Variants in E2F6 observed in about 807,000 individuals in gnomAD.
E2F6 encodes E2F transcription factor 6, also known as transcription factor E2F6.
E2F6 carries 19 observed loss-of-function variants against 31.5 expected under a neutral mutation model. That is an observed-to-expected ratio of 0.60 (90% CI 0.42 to 0.89). The LOEUF is 0.89. E2F6 is among the 40% of genes least tolerant of loss of function. The pLI is 0.00. For synonymous variants in E2F6, 121 were observed against 127.7 expected, an observed-to-expected ratio of 0.95 and a Z score of 0.36; for missense variants, 269 against 341.6, an observed-to-expected ratio of 0.79 and a Z score of 1.67.
chr2:11,461,724 G>T (rs150750442), intron 1 of E2F6, among the ~76,000 whole-genome samples: 2,126 of 152,270 alleles, frequency 0.014, 25 homozygotes, highest in Non-Finnish European at 0.02. Context: ...AGCAATTTCA[G>T]CCCCATGGCT....
chr2:11,455,541 T>C, intron 2 of E2F6: 1 of 1,016,200 alleles, frequency 9.8e-7, no homozygotes, highest in Non-Finnish European at 1.3e-6. Context: ...AGGGTCACAA[T>C]TCTACAACAA....
At chr2:11,464,288 G>C (rs1201689037) in intron 1 of E2F6, among the ~76,000 whole-genome samples, 3 of 152,036 alleles carry the variant, frequency 2.0e-5, no homozygotes, top group African/African-American at 4.8e-5. Flanking sequence ...GCTGAGGCGG[G>C]TGGATCACGA....
intron 1 of E2F6, chr2:11,458,174 C>T (rs565056416): frequency 3.3e-6 from 4 of 1,198,614 alleles, no homozygotes; most frequent in East Asian, 2.5e-5. Flanking sequence ...TAGCTCTTAT[C>T]TAAGAAAAAA....
intron 6 of E2F6, 140 bp from the exon 7 acceptor site, chr2:11,446,663 G>A: frequency 1.5e-6 from 1 of 652,660 alleles, no homozygotes; most frequent in Non-Finnish European, 2.7e-6. Context: ...CGTATTCTCA[G>A]GTTAATGGCA....
intron 5 of E2F6, 140 bp downstream of exon 5, chr2:11,449,872 T>C: frequency 2.0e-6 from 1 of 509,016 alleles, no homozygotes; most frequent in Non-Finnish European, 3.5e-6. Flanking sequence ...GCAAGTTAAA[T>C]GTGTGAAGTG....
intron 5 of E2F6, 101 bp downstream of exon 5, chr2:11,449,911 C>T (rs1046231780): frequency 9.4e-6 from 8 of 847,116 alleles, no homozygotes; most frequent in African/African-American, 6.8e-5. Flanking sequence ...GTACAGTGCA[C>T]GTGCACACAA....
chr2:11,451,979 G>C (rs1161924188), intron 3 of E2F6, among the ~76,000 whole-genome samples, 173 bp from the exon 4 acceptor site: 1 of 152,138 alleles, frequency 6.6e-6, no homozygotes, highest in South Asian at 2.1e-4. Context: ...TATTCCTTCT[G>C]TACATAAATT....
At chr2:11,463,208 G>A (rs1671894018) in intron 1 of E2F6, among the ~76,000 whole-genome samples, 1 of 152,120 alleles carries the variant, frequency 6.6e-6, no homozygotes. Flanking sequence ...TCCACTTAGA[G>A]ACCAATTTTC....
In E2F6 at chr2:11,465,817, C is replaced by G. The variant is rs766000818; in HGVS notation, c.63G>C (p.Thr21=). 6.3e-7 allele frequency: 1 copy of G among 1,597,690 alleles called. No individual in the cohort carries two copies. Among genetic ancestry groups the G allele is most frequent in the Non-Finnish European group, 8.5e-7 (1 of 1,173,148 alleles). Residue 21 remains threonine (T), a synonymous_variant, in exon 1 of 7, where the codon ACG becomes ACC. Transcript: ENST00000381525. ...TGGGGTCTCGGCACCGACGGCGAACCGTCTCCTCCGTCGGGTCCAGGAGGA... is the reference window on the plus strand; with the variant it reads ...TGGGGTCTCGGCACCGACGGCGAACGGTCTCCTCCGTCGGGTCCAGGAGGA... ...PSLLLDPTEE[T]VRRRCRDPIN...
intron 1 of E2F6, among the ~76,000 whole-genome samples, chr2:11,460,231 C>T (rs564100965): frequency 4.6e-5 from 7 of 152,330 alleles, no homozygotes; most frequent in Non-Finnish European, 8.8e-5. Flanking sequence ...AGATGTTTCT[C>T]TACACCAATT....
intron 1 of E2F6, among the ~76,000 whole-genome samples, chr2:11,457,854 ACAG>A (rs1394707356): frequency 6.6e-6 from 1 of 152,216 alleles, no homozygotes; most frequent in African/African-American, 2.4e-5. Context: ...TAATGTAAAA[ACAG>A]CAGCATTTCT....
intron 4 of E2F6, 25 bp from the exon 5 acceptor site, chr2:11,450,151 C>A (rs527265798): frequency 2.7e-6 from 4 of 1,500,638 alleles, no homozygotes; most frequent in African/African-American, 2.8e-5. Context: ...AGGATCTCTA[C>A]ACAGAATGCT....
intron 2 of E2F6, among the ~76,000 whole-genome samples, chr2:11,454,162 T>C (rs1671247965): frequency 6.6e-6 from 1 of 152,182 alleles, no homozygotes; most frequent in Non-Finnish European, 1.5e-5. Flanking sequence ...AAAATTAAAT[T>C]TCTCATTTGG....
At chr2:11,449,754 CT>C (rs1294138823) in intron 5 of E2F6, among the ~76,000 whole-genome samples, 1 of 152,212 alleles carries the variant, frequency 6.6e-6, no homozygotes, top group Non-Finnish European at 1.5e-5. Flanking sequence ...TGAAGCCACA[CT>C]AACTGGGTTT....
chr2:11,453,595 G>C lies in E2F6; in HGVS notation c.367C>G (p.His123Asp). 2.5e-6 allele frequency: 4 copies of C among 1,614,020 alleles called. No homozygotes were observed. Among genetic ancestry groups the C allele is most frequent in the Non-Finnish European group, 8.5e-7 (1 of 1,179,988 alleles). The change falls in exon 3 of 7, where the codon CAT becomes GAT. Residue 123 changes from histidine to aspartate, a missense_variant. By Grantham distance (81) the His-to-Asp change is moderately conservative. Transcript: ENST00000381525. ...AAAGCAACTCACATCCATCTAATAT[G>C]GTTCTTGGATTTCTTTTCAACGAGG... ...IDLVEKKSKN[H>D]IRWIGSDLSN...
At chr2:11,465,695 G>T in intron 1 of E2F6, 77 bp downstream of exon 1, 1 of 1,468,918 alleles carries the variant, frequency 6.8e-7, no homozygotes, top group Non-Finnish European at 9.3e-7. Context: ...ACGGCCAGCG[G>T]GGTTGGCGGC....
rs577623142 is a variant in E2F6 at position 11,457,094 on chromosome 2, A to T, written c.163+85T>A. 27 of 1,059,636 alleles carry T rather than the reference A, an allele frequency of 2.5e-5. No individual in the cohort carries two copies. The Admixed American group carries it at 4.5e-4, about 17-fold the overall frequency. The allele number at this position is 1,059,636 out of a possible 1,614,324, so 65.6% of individuals were successfully genotyped here. A position where few individuals can be genotyped will look rare whatever the true frequency, so the allele number is the denominator to read the frequency against. On this transcript the variant is annotated intron_variant, in intron 2 of 6. Transcript: ENST00000381525. ...ATAACAAATTGTATTTCAGTTTCTC[A>T]TCAACTCATACACTTAAACAAATCA...
At chr2:11,459,270 CGCTA>C (rs985761936) in intron 1 of E2F6, among the ~76,000 whole-genome samples, 6 of 152,126 alleles carry the variant, frequency 3.9e-5, no homozygotes, top group African/African-American at 1.4e-4. Context: ...GAGGCTGCCT[CGCTA>C]GCTATGCATT....
intron 3 of E2F6, among the ~76,000 whole-genome samples, chr2:11,453,223 A>G (rs1172497991): frequency 1.3e-5 from 2 of 151,426 alleles, no homozygotes; most frequent in Non-Finnish European, 2.9e-5. Context: ...TCGCTACGTC[A>G]TAATCTCCTG....
Sources: gnomAD v4.1 joint callset for allele counts (sites outside exome capture counted in the v4.1 genomes callset) on GRCh38, gnomAD v4.1.1 for gene constraint, MANE v1.5 for transcripts, NCBI Gene and HGNC (gene_info 2026-07-23, HGNC 2026-07-21) for gene names.